Variants in COX4I2 observed in about 807,000 individuals in gnomAD.
The protein encoded by COX4I2 is cytochrome c oxidase subunit 4 isoform 2, mitochondrial.
In COX4I2, 15 loss-of-function variants were observed where a neutral mutation model predicts 20.8. The observed-to-expected ratio is 0.72, with a 90% CI of 0.48 to 1.11. The LOEUF is 1.11. Ranked by LOEUF, COX4I2 falls within the 50% of genes most tolerant of loss-of-function variation. The pLI, the probability that COX4I2 is intolerant of heterozygous loss-of-function variation, is 0.00. For missense variants in COX4I2, 224 were observed against 223.0 expected (o/e 1.00, Z -0.03); for synonymous variants, 80 against 78.1 (o/e 1.02, Z -0.13).
intron 3 of COX4I2, among the ~76,000 whole-genome samples, chr20:31,643,110 C>T (rs1013643587): frequency 1.2e-4 from 19 of 152,176 alleles, no homozygotes; most frequent in Non-Finnish European, 2.4e-4. Flanking sequence ...CCAACTTTCT[C>T]CCATTGATTT....
Position 31,639,980 on chromosome 20 carries a change from C to T in COX4I2, c.130C>T (p.Arg44Cys), listed in dbSNP as rs1475465522. 4.3e-6 allele frequency: 7 copies of T among 1,614,108 alleles called. No homozygotes were observed. The highest frequency in any genetic ancestry group is 3.3e-5 in the Admixed American group (2 of 60,022). ...CCCCTACACCAACTGCTATGCCCAG[C>T]GCTACTACCCCATGCCAGAAGAGCC... ...MSPYTNCYAQ[R>C]YYPMPEEPFC... Residue 44 changes from arginine to cysteine, a missense_variant, in exon 3 of 5, where the codon CGC (arginine) becomes TGC (cysteine). Physicochemically the swap from Arg to Cys is radical, Grantham distance 180. Transcript: ENST00000376075.
chr20:31,638,663 A>C (rs558708494), intron 1 of COX4I2, among the ~76,000 whole-genome samples: 2 of 152,200 alleles, frequency 1.3e-5, no homozygotes, highest in Admixed American at 1.3e-4. Context: ...TCTGGGGAGC[A>C]AACAAGTGAG....
rs759441417 is a variant in COX4I2 at position 31,639,073 on chromosome 20, G to C, written c.56G>C (p.Arg19Pro). Residue 19 changes from arginine (R) to proline (P), a missense_variant, in exon 2 of 5, where the codon CGA becomes CCA. Physicochemically the swap from Arg to Pro is moderately radical, Grantham distance 103 (BLOSUM62 -2). Transcript: ENST00000376075. ...LVLRKGGGGR[R>P]GMHSSEGTTR... The stretch of plus-strand genomic sequence containing the variant: ...CTGAGGAAAGGTGGAGGTGGAAGAC[G>C]AGGGATGCACAGCTCAGAAGGCACC... 2 of 1,612,324 alleles carry C rather than the reference G, an allele frequency of 1.2e-6. No individual in the cohort carries two copies. Among genetic ancestry groups the C allele is most frequent in the African/African-American group, 1.3e-5 (1 of 75,012 alleles).
intron 2 of COX4I2, 45 bp from the exon 3 acceptor site, chr20:31,639,888 G>A (rs1208611534): frequency 7.5e-6 from 12 of 1,610,250 alleles, no homozygotes; most frequent in African/African-American, 2.7e-5. Context: ...GAGATAGGGT[G>A]TCCCAAGGGC....
chr20:31,643,586 T>A, intron 4 of COX4I2, 51 bp downstream of exon 4: 1 of 1,608,838 alleles, frequency 6.2e-7, no homozygotes, highest in Non-Finnish European at 8.5e-7. Flanking sequence ...GCCCTTGTGG[T>A]CACGGCCACC....
chr20:31,643,355 T>G, intron 3 of COX4I2, 49 bp from the exon 4 acceptor site: 1 of 1,612,522 alleles, frequency 6.2e-7, no homozygotes, highest in Non-Finnish European at 8.5e-7. Flanking sequence ...CCGGGATCAC[T>G]TAGAGTGGAC....
At chr20:31,642,123 G>A (rs2060471452) in intron 3 of COX4I2, among the ~76,000 whole-genome samples, 2 of 152,194 alleles carry the variant, frequency 1.3e-5, no homozygotes, top group Admixed American at 6.6e-5. Flanking sequence ...AAAGCACTGG[G>A]ATTACAGGCA....
intron 4 of COX4I2, 49 bp downstream of exon 4, chr20:31,643,584 G>T (rs760759494): frequency 6.2e-7 from 1 of 1,611,246 alleles, no homozygotes; most frequent in Non-Finnish European, 8.5e-7. Flanking sequence ...ATGCCCTTGT[G>T]GTCACGGCCA....
At chr20:31,639,559 T>C (rs1318797711) in intron 2 of COX4I2, among the ~76,000 whole-genome samples, 1 of 79,946 alleles carries the variant, frequency 1.3e-5, no homozygotes, top group African/African-American at 9.0e-5. Flanking sequence ...ATAAACCTCC[T>C]TTTTTTTTTT....
intron 3 of COX4I2, among the ~76,000 whole-genome samples, chr20:31,642,813 C>T (rs2060475943): frequency 6.6e-6 from 1 of 152,134 alleles, no homozygotes; most frequent in South Asian, 2.1e-4. Context: ...AACTCTTGGA[C>T]TGAAGCAATC....
chr20:31,641,763 C>T (rs143847389), intron 3 of COX4I2, among the ~76,000 whole-genome samples: 3,711 of 152,094 alleles, frequency 0.024, 152 homozygotes, highest in African/African-American at 0.084. Context: ...TGCAGTGGCC[C>T]CATCTCGGCT....
At position 31,639,940 on chromosome 20, in the gene COX4I2, T is replaced by TG. The variant is rs144435300; in HGVS notation, c.96dup (p.Lys33GlufsTer28). 1.2e-6 allele frequency: 2 copies of TG among 1,614,034 alleles called. No homozygotes were observed. The highest frequency in any genetic ancestry group is 2.2e-5 in the East Asian group (1 of 44,882). ...CCTCCATTGTGTCTGCAGCCCGTGG[T>TG]GGGGGGAAGATGTCCCCCTACACCA... On this transcript the variant is annotated frameshift_variant, in exon 3 of 5. Coordinates refer to ENST00000376075, the MANE Select transcript of COX4I2 (RefSeq NM_032609.3). LOFTEE classifies it high-confidence loss of function.
intron 3 of COX4I2, among the ~76,000 whole-genome samples, chr20:31,643,031 T>A (rs7351408): frequency 2.6e-5 from 4 of 152,270 alleles, no homozygotes; most frequent in Non-Finnish European, 5.9e-5. Context: ...CCAGCTACAG[T>A]GGTCCTCACT....
At position 31,644,859 on chromosome 20, in the gene COX4I2, C is replaced by A. The variant is rs1209819881; in HGVS notation, c.471C>A (p.Gly157=). ...ACATGAAGGTGAATCCTGTGCAGGGCCTGGCCTCCCGCTGGGACTATGAGA... is the reference window on the plus strand; with the variant it reads ...ACATGAAGGTGAATCCTGTGCAGGGACTGGCCTCCCGCTGGGACTATGAGA... ...MLDMKVNPVQ[G]LASRWDYEKK... Residue 157 remains glycine (G), a synonymous_variant, in exon 5 of 5, where the codon GGC becomes GGA. Coordinates refer to ENST00000376075, the MANE Select transcript of COX4I2 (RefSeq NM_032609.3). The A allele has an allele frequency of 6.8e-6, 11 of 1,613,986 alleles. No homozygotes were observed. Among genetic ancestry groups the A allele is most frequent in the Admixed American group, 3.3e-5 (2 of 59,986 alleles).
intron 1 of COX4I2, among the ~76,000 whole-genome samples, chr20:31,638,583 G>A (rs1349119318): frequency 6.6e-6 from 1 of 151,978 alleles, no homozygotes; most frequent in East Asian, 2.0e-4. Flanking sequence ...CGGTGCAGGG[G>A]CCTCTGGCCC....
chr20:31,644,683 GCTGGGAGGC>G, intron 4 of COX4I2, 76 bp from the exon 5 acceptor site: 1 of 1,520,542 alleles, frequency 6.6e-7, no homozygotes, highest in African/African-American at 1.4e-5. Context: ...CTTGCGAGTG[GCTGGGAGGC>G]TACAGGGTGG....
At chr20:31,640,190 C>T (rs772500053) in intron 3 of COX4I2, 93 bp downstream of exon 3, 17 of 1,375,188 alleles carry the variant, frequency 1.2e-5, no homozygotes, top group Non-Finnish European at 1.7e-5. Flanking sequence ...AGAGAGAGGC[C>T]CCCAAGACAG....
intron 3 of COX4I2, among the ~76,000 whole-genome samples, chr20:31,642,427 G>A (rs1174926599): frequency 1.3e-5 from 2 of 148,706 alleles, no homozygotes; most frequent in Non-Finnish European, 3.0e-5. Flanking sequence ...ACACACGTAG[G>A]GTAATTTTTT....
chr20:31,643,455 A>G lies in COX4I2; in HGVS notation c.299A>G (p.Asn100Ser), dbSNP rs746720352. The G allele has an allele frequency of 1.2e-6, 2 of 1,614,062 alleles. No homozygotes were observed. Among genetic ancestry groups the G allele is most frequent in the Non-Finnish European group, 1.7e-6 (2 of 1,180,030 alleles). Residue 100 changes from asparagine (N) to serine (S), a missense_variant, in exon 4 of 5, where the codon AAT (asparagine) becomes AGT (serine). Asn to Ser is a conservative substitution (Grantham distance 46). Transcript: ENST00000376075. ...ETFAEMNRRS[N>S]EWKTVMGCVF... Reference sequence around the variant, plus strand: ...TTTGCGGAGATGAACCGTCGCTCCAATGAGTGGAAGACAGTGATGGGTTGT... The same window carrying G: ...TTTGCGGAGATGAACCGTCGCTCCAGTGAGTGGAAGACAGTGATGGGTTGT...
Sources: allele counts gnomAD v4.1 joint callset (sites outside exome capture counted in the v4.1 genomes callset), GRCh38; gene constraint gnomAD v4.1.1; transcripts MANE v1.5; gene names NCBI Gene and HGNC (gene_info 2026-07-23, HGNC 2026-07-21).